Variants in NHS observed in about 807,000 individuals in gnomAD.
NHS encodes the protein actin remodeling regulator NHS.
In NHS, 5 loss-of-function variants were observed where a neutral mutation model predicts 72.5. The ratio of observed to expected loss-of-function variants is 0.07; its 90% CI spans 0.04 to 0.14. The LOEUF is 0.14. NHS is among the 10% of genes least tolerant of loss of function. The probability of loss-of-function intolerance (pLI) is 1.00; values close to 1 mark genes in which losing one functional copy is unlikely to be tolerated. For synonymous variants in NHS, 464 were observed against 547.7 expected (o/e 0.85, Z 2.13); for missense variants, 1,072 against 1,355.7 (o/e 0.79, Z 3.29).
chrX:17,575,731 G>A (rs776903345), intron 1 of NHS, among the ~76,000 whole-genome samples: 1 of 112,368 alleles, frequency 8.9e-6, no homozygotes, highest in South Asian at 3.7e-4. Flanking sequence ...TCAGCACAAT[G>A]CTCCTCTCAT....
chrX:17,721,280 A>T (rs1161770546), intron 4 of NHS, among the ~76,000 whole-genome samples, 161 bp from the exon 5 acceptor site: 1 of 111,908 alleles, frequency 8.9e-6, no homozygotes, highest in Non-Finnish European at 1.9e-5. Flanking sequence ...TTGAAATAAT[A>T]CTTGTAATTA....
At chrX:17,608,702 A>G (rs73445822) in intron 1 of NHS, among the ~76,000 whole-genome samples, 2,104 of 108,553 alleles carry the variant, frequency 0.019, 61 homozygotes, top group African/African-American at 0.065. Flanking sequence ...ATATAAGTTT[A>G]TGTGTGTGTT....
chrX:17,425,804 C>G (rs1002810080), intron 1 of NHS: 1 of 111,921 alleles, frequency 8.9e-6, no homozygotes, highest in South Asian at 3.8e-4. Context: ...GATTCCACCT[C>G]TCAGTGCTCC....
intron 1 of NHS, among the ~76,000 whole-genome samples, chrX:17,678,587 C>T (rs1305697061): frequency 9.0e-6 from 1 of 110,658 alleles, no homozygotes; most frequent in Non-Finnish European, 1.9e-5. Flanking sequence ...CTCACTATTG[C>T]GACGGCAGCA....
At chrX:17,517,373 C>T in intron 1 of NHS, among the ~76,000 whole-genome samples, 1 of 112,170 alleles carries the variant, frequency 8.9e-6, no homozygotes, top group Non-Finnish European at 1.9e-5. Flanking sequence ...TAAATCAGAA[C>T]CTCTGAGGTT....
At chrX:17,563,034 C>G (rs1248395270) in intron 1 of NHS, among the ~76,000 whole-genome samples, 1 of 112,108 alleles carries the variant, frequency 8.9e-6, no homozygotes, top group East Asian at 2.8e-4. Context: ...TGCTTCTGTG[C>G]CATGGTTTGT....
intron 1 of NHS, among the ~76,000 whole-genome samples, chrX:17,398,292 G>A (rs1381988811): frequency 9.0e-6 from 1 of 111,486 alleles, no homozygotes; most frequent in African/African-American, 3.3e-5. Context: ...TGAGGAAAAG[G>A]GTTGGCTGTT....
intron 1 of NHS, among the ~76,000 whole-genome samples, chrX:17,537,257 G>A (rs1264195009): frequency 4.5e-5 from 5 of 112,155 alleles, no homozygotes; most frequent in Non-Finnish European, 7.5e-5. Flanking sequence ...TCGATCAAAA[G>A]CACCATTAGG....
intron 1 of NHS, among the ~76,000 whole-genome samples, chrX:17,658,909 G>A (rs2065970068): frequency 8.9e-6 from 1 of 112,206 alleles, no homozygotes; most frequent in Non-Finnish European, 1.9e-5. Context: ...GAGCATATTG[G>A]TCAGGGAAGG....
chrX:17,529,243 CCATATTTT>C (rs1019016654), intron 1 of NHS, among the ~76,000 whole-genome samples: 2 of 111,668 alleles, frequency 1.8e-5, no homozygotes, highest in Admixed American at 9.6e-5. Context: ...TTAGAAGCTG[CCATATTTT>C]CTAGGGAAAA....
At chrX:17,561,574 G>GCGCACA (rs879101977) in intron 1 of NHS, among the ~76,000 whole-genome samples, 88 of 65,403 alleles carry the variant, frequency 1.3e-3, no homozygotes, top group East Asian at 1.0e-2. Flanking sequence ...GCGCGCGCGC[G>GCGCACA]CACACACACA....
At chrX:17,491,292 T>C (rs1360205949) in intron 1 of NHS, among the ~76,000 whole-genome samples, 1 of 111,948 alleles carries the variant, frequency 8.9e-6, no homozygotes. Flanking sequence ...TATTTTGAGA[T>C]ACGTTCCGTC....
intron 1 of NHS, among the ~76,000 whole-genome samples, chrX:17,567,249 G>A (rs936335352): frequency 1.8e-5 from 2 of 112,002 alleles, no homozygotes; most frequent in African/African-American, 6.5e-5. Context: ...GAAGAAATAC[G>A]AATGTGGCAA....
intron 1 of NHS, among the ~76,000 whole-genome samples, chrX:17,546,570 C>T (rs2065294420): frequency 8.9e-6 from 1 of 112,168 alleles, no homozygotes. Context: ...GAGCACATAA[C>T]TGAATGCCAG....
In NHS at chrX:17,376,006, G is replaced by T. The variant is rs1240476811; in HGVS notation, c.249G>T (p.Pro83=). 4 of 1,081,117 alleles carry T rather than the reference G, an allele frequency of 3.7e-6. No individual in the cohort carries two copies. The highest frequency in any genetic ancestry group is 7.0e-4 in the Middle Eastern group (2 of 2,850). The allele number at this position is 1,081,117 out of a possible 1,213,427, so 89.1% of individuals were successfully genotyped here. ...CCGCGCCGGCCGACCAGACTCAGCC[G>T]CCGCACGGAGAGGCGTCCGTGGCTG... ...PLPAPADQTQ[P]PHGEASVAGE... The change falls in exon 1 of 9, where the codon CCG becomes CCT. Residue 83 remains proline, a synonymous_variant. Transcript: ENST00000676302.
intron 3 of NHS, among the ~76,000 whole-genome samples, chrX:17,709,763 G>A (rs1452977966): frequency 9.0e-6 from 1 of 111,112 alleles, no homozygotes; most frequent in African/African-American, 3.3e-5. Flanking sequence ...TGCCTCAGGA[G>A]CTCTGGAGCT....
At chrX:17,389,586 C>CTTATTTAT (rs554552712) in intron 1 of NHS, among the ~76,000 whole-genome samples, 2,811 of 102,298 alleles carry the variant, frequency 0.027, 89 homozygotes, top group African/African-American at 0.072. Context: ...CTTTTATTTT[C>CTTATTTAT]TTATTTATTT....
chrX:17,604,170 T>A (rs1480230816), intron 1 of NHS, among the ~76,000 whole-genome samples: 1 of 109,379 alleles, frequency 9.1e-6, no homozygotes, highest in African/African-American at 3.3e-5. Flanking sequence ...AAGTTAATGG[T>A]ACATTGCTTT....
intron 1 of NHS, among the ~76,000 whole-genome samples, chrX:17,385,693 A>T (rs2064403552): frequency 9.0e-6 from 1 of 111,569 alleles, no homozygotes; most frequent in Non-Finnish European, 1.9e-5. Context: ...CCTTTTACCC[A>T]TATGGTAGCA....
Sources: gnomAD v4.1 joint callset for allele counts (sites outside exome capture counted in the v4.1 genomes callset) on GRCh38, gnomAD v4.1.1 for gene constraint, MANE v1.5 for transcripts, NCBI Gene and HGNC (gene_info 2026-07-23, HGNC 2026-07-21) for gene names.